SV2C: variants seen among roughly 807,000 people sequenced by gnomAD.
SV2C encodes synaptic vesicle glycoprotein 2C.
A neutral mutation model predicts 79.7 loss-of-function variants in SV2C; 49 were observed. The observed-to-expected ratio is 0.61, with a 90% CI of 0.49 to 0.78. The LOEUF (loss-of-function observed/expected upper bound fraction) is 0.78, where lower values mean the gene tolerates loss of function less well. SV2C is among the 30% of genes least tolerant of loss of function. The pLI is 0.00. For synonymous variants in SV2C, 334 were observed against 333.2 expected (o/e 1.00, Z -0.03); for missense variants, 833 against 912.9 (o/e 0.91, Z 1.13).
the SV2C span, among the ~76,000 whole-genome samples, chr5:75,913,614 A>C: frequency 2.6e-5 from 4 of 152,222 alleles, no homozygotes; most frequent in Middle Eastern, 6.3e-3. Flanking sequence ...ATTCCAGACC[A>C]CATCTTGGGA....
chr5:76,084,730 C>T (rs1426634204), intron 1 of SV2C, among the ~76,000 whole-genome samples: 1 of 151,892 alleles, frequency 6.6e-6, no homozygotes, highest in African/African-American at 2.4e-5. Context: ...ACGGAGTCTC[C>T]GTCTGGGAGC....
rs370142721 is a variant in SV2C at position 76,312,266 on chromosome 5, G to C, written c.2000+10721G>C. ...CTCAGGGGCCACTTTTTTTTTTTGG[G>C]GGGGGGGACAGGGTCTCACTCTGTC... On this transcript the variant is annotated intron_variant, in intron 12 of 12. Coordinates refer to ENST00000502798, the MANE Select transcript of SV2C (RefSeq NM_014979.4). Among the ~76,000 whole-genome samples the C allele has an allele frequency of 1.5e-4, 23 of 151,260 alleles. No individual in the cohort carries two copies. The East Asian group carries it at 2.9e-3, about 19-fold the overall frequency.
the SV2C span, among the ~76,000 whole-genome samples, chr5:76,064,332 C>A: frequency 1.3e-5 from 2 of 152,136 alleles, no homozygotes; most frequent in Admixed American, 1.3e-4. Flanking sequence ...TGTGAGCCTT[C>A]CACAAGGGCT....
At chr5:76,034,387 G>T in the SV2C span, among the ~76,000 whole-genome samples, 1 of 152,150 alleles carries the variant, frequency 6.6e-6, no homozygotes, top group Non-Finnish European at 1.5e-5. Flanking sequence ...CTGTGGGTTT[G>T]TCATAGATAG....
intron 4 of SV2C, among the ~76,000 whole-genome samples, chr5:76,266,029 C>A (rs1250527822): frequency 1.3e-5 from 2 of 151,988 alleles, no homozygotes. Context: ...CTGAGCATAT[C>A]TGAAAGGCAG....
chr5:76,270,625 T>C (rs755894453), intron 4 of SV2C, among the ~76,000 whole-genome samples: 14 of 152,180 alleles, frequency 9.2e-5, no homozygotes, highest in Non-Finnish European at 1.9e-4. Context: ...TGGGGACATA[T>C]CTAGCTGGGA....
At chr5:76,058,142 G>A in the SV2C span, among the ~76,000 whole-genome samples, 1 of 152,096 alleles carries the variant, frequency 6.6e-6, no homozygotes, top group East Asian at 1.9e-4. Context: ...TGCCAGAGGT[G>A]CAAGGTGCAG....
At chr5:76,202,557 G>A (rs998590577) in intron 3 of SV2C, among the ~76,000 whole-genome samples, 2 of 152,184 alleles carry the variant, frequency 1.3e-5, no homozygotes, top group South Asian at 2.1e-4. Context: ...GTGCTCATAC[G>A]TGTTTGAACA....
At chr5:76,101,426 G>A (rs1747738504) in intron 1 of SV2C, among the ~76,000 whole-genome samples, 1 of 152,182 alleles carries the variant, frequency 6.6e-6, no homozygotes, top group Admixed American at 6.5e-5. Context: ...CATTCATTCT[G>A]TGAAGTGGCT....
the SV2C span, among the ~76,000 whole-genome samples, chr5:75,977,239 AC>A: frequency 6.6e-6 from 1 of 152,166 alleles, no homozygotes; most frequent in East Asian, 1.9e-4. Flanking sequence ...GTCAGGCTGA[AC>A]TTTAAAATGG....
chr5:76,346,001 A>C (rs1442749854), intron 12 of SV2C, among the ~76,000 whole-genome samples: 2 of 152,170 alleles, frequency 1.3e-5, no homozygotes, highest in African/African-American at 2.4e-5. Flanking sequence ...CAATAAGCAA[A>C]GGGATATAGC....
the SV2C span, among the ~76,000 whole-genome samples, chr5:76,041,322 T>C: frequency 6.6e-6 from 1 of 152,216 alleles, no homozygotes; most frequent in Non-Finnish European, 1.5e-5. Flanking sequence ...TTCTCACCTT[T>C]GGCTTTAGCC....
chr5:76,000,237 A>G, the SV2C span, among the ~76,000 whole-genome samples: 3 of 152,160 alleles, frequency 2.0e-5, no homozygotes, highest in Non-Finnish European at 4.4e-5. Flanking sequence ...CAAAGTTTCT[A>G]GTAACATTTC....
chr5:75,902,546 G>A, the SV2C span, among the ~76,000 whole-genome samples: 1 of 152,164 alleles, frequency 6.6e-6, no homozygotes, highest in Admixed American at 6.5e-5. Context: ...TTTTCCTTTT[G>A]TTCTTATCCT....
chr5:76,156,413 G>C (rs1742730858), intron 2 of SV2C, among the ~76,000 whole-genome samples: 1 of 152,076 alleles, frequency 6.6e-6, no homozygotes, highest in South Asian at 2.1e-4. Context: ...GCAATCCCTG[G>C]AGAGAGGGAG....
the SV2C span, among the ~76,000 whole-genome samples, chr5:75,984,366 C>T: frequency 6.6e-6 from 1 of 152,050 alleles, no homozygotes; most frequent in African/African-American, 2.4e-5. Flanking sequence ...CTACTATATG[C>T]TAGGCTAGGT....
At chr5:76,030,292 T>TTTTTTTC in the SV2C span, among the ~76,000 whole-genome samples, 1 of 72,160 alleles carries the variant, frequency 1.4e-5, no homozygotes. Context: ...TTTTTTTTTT[T>TTTTTTTC]ATTTATTCCT....
chr5:75,859,454 T>G, the SV2C span, among the ~76,000 whole-genome samples: 4,022 of 152,226 alleles, frequency 0.026, 170 homozygotes, highest in African/African-American at 0.092. Flanking sequence ...CCAGAACAAT[T>G]AGGCAAGAGA....
At chr5:75,999,835 G>A in the SV2C span, among the ~76,000 whole-genome samples, 2 of 152,086 alleles carry the variant, frequency 1.3e-5, no homozygotes, top group Non-Finnish European at 1.5e-5. Context: ...CTTGTAAGAT[G>A]GTGCCTTATT....
Sources: allele counts gnomAD v4.1 joint callset (sites outside exome capture counted in the v4.1 genomes callset), GRCh38; gene constraint gnomAD v4.1.1; transcripts MANE v1.5; gene names NCBI Gene and HGNC (gene_info 2026-07-23, HGNC 2026-07-21).